Variants in SPIRE1 observed in about 807,000 individuals in gnomAD.
SPIRE1 encodes the protein spire type actin nucleation factor 1, also known as protein spire homolog 1.
Under a neutral mutation model 94.1 loss-of-function variants are expected in SPIRE1, and 40 were observed. The ratio of observed to expected loss-of-function variants is 0.43; its 90% CI spans 0.33 to 0.55. SPIRE1 has a LOEUF of 0.55. Among genes scored for constraint, SPIRE1 ranks in the 20% least tolerant of loss-of-function variants. The pLI, the probability that SPIRE1 is intolerant of heterozygous loss-of-function variation, is 0.06. For synonymous variants in SPIRE1, 376 were observed against 371.7 expected (o/e 1.01, Z -0.13); for missense variants, 838 against 975.2 (o/e 0.86, Z 1.87).
At position 12,446,822 on chromosome 18, in the gene SPIRE1, G is replaced by A. The variant is rs1392356406; in HGVS notation, c.*2816C>T. ...AAAAGGCTTAAAAATTTCATAGTAC[G>A]AGTTCATGGTGCTAATAACAGAATC... On this transcript the variant is annotated 3_prime_UTR_variant, in exon 17 of 17. Transcript: ENST00000409402. The A allele has an allele frequency of 6.6e-6, 1 of 152,148 alleles. No individual in the cohort carries two copies. The allele number at this position is 152,148 out of a possible 1,614,324, so 9.4% of individuals were successfully genotyped here.
chr18:12,615,053 G>A (rs1055118031), intron 2 of SPIRE1, among the ~76,000 whole-genome samples: 3 of 151,002 alleles, frequency 2.0e-5, no homozygotes, highest in East Asian at 4.0e-4. Flanking sequence ...GGCTCGGAGC[G>A]GTAGGTCATG....
chr18:12,552,161 C>G (rs1023922501), intron 2 of SPIRE1, among the ~76,000 whole-genome samples: 8 of 152,018 alleles, frequency 5.3e-5, no homozygotes, highest in Non-Finnish European at 1.2e-4. Flanking sequence ...CAAGCCTTAC[C>G]ACTGCGTGCT....
intron 5 of SPIRE1, among the ~76,000 whole-genome samples, chr18:12,511,066 C>A (rs2034020122): frequency 6.6e-6 from 1 of 152,150 alleles, no homozygotes; most frequent in African/African-American, 2.4e-5. Context: ...GGAGAGAGAG[C>A]TCATATTGTT....
chr18:12,525,145 C>T (rs1296696959), intron 4 of SPIRE1, among the ~76,000 whole-genome samples: 4 of 151,110 alleles, frequency 2.6e-5, no homozygotes, highest in Admixed American at 1.3e-4. Flanking sequence ...GGCGTGGTGG[C>T]GGGCGCCTAT....
intron 2 of SPIRE1, among the ~76,000 whole-genome samples, chr18:12,591,097 T>C (rs1227460908): frequency 6.6e-6 from 1 of 152,166 alleles, no homozygotes; most frequent in East Asian, 1.9e-4. Context: ...TAACATCAAA[T>C]GCAGAGGTGG....
intron 3 of SPIRE1, among the ~76,000 whole-genome samples, chr18:12,538,760 C>T (rs2034917288): frequency 6.6e-6 from 1 of 152,190 alleles, no homozygotes; most frequent in African/African-American, 2.4e-5. Context: ...AATGATCCTG[C>T]CTCAGCCTCC....
chr18:12,588,868 T>A (rs1025179725), intron 2 of SPIRE1, among the ~76,000 whole-genome samples: 1 of 152,190 alleles, frequency 6.6e-6, no homozygotes, highest in African/African-American at 2.4e-5. Context: ...TTAGATATAG[T>A]CAGAAGTTTT....
At chr18:12,561,516 T>C (rs1567935465) in intron 2 of SPIRE1, among the ~76,000 whole-genome samples, 1 of 152,210 alleles carries the variant, frequency 6.6e-6, no homozygotes, top group Non-Finnish European at 1.5e-5. Flanking sequence ...TCCGCCCGCC[T>C]TGGCCTCCCG....
chr18:12,602,824 T>C (rs1014674340), intron 2 of SPIRE1, among the ~76,000 whole-genome samples: 3 of 152,340 alleles, frequency 2.0e-5, no homozygotes, highest in East Asian at 3.9e-4. Context: ...ATTGGATCTA[T>C]AGCTCTAATA....
At chr18:12,562,124 G>A (rs1200732368) in intron 2 of SPIRE1, among the ~76,000 whole-genome samples, 1 of 152,140 alleles carries the variant, frequency 6.6e-6, no homozygotes, top group South Asian at 2.1e-4. Context: ...TTATTAGTAG[G>A]AGAGCAAGAG....
In SPIRE1 at chr18:12,559,927, G is replaced by A. The variant is rs1403532703; in HGVS notation, c.373-13023C>T. Among the ~76,000 whole-genome samples, 1 of 152,100 alleles carries A rather than the reference G, an allele frequency of 6.6e-6. No homozygotes were observed. Among genetic ancestry groups the A allele is most frequent in the Non-Finnish European group, 1.5e-5 (1 of 68,020 alleles). The stretch of plus-strand genomic sequence containing the variant: ...AAATCTAATAATCTGATTAAAAATG[G>A]GCAAAAGATCCGAATAGACATTTCT... On this transcript the variant is annotated intron_variant, in intron 2 of 16. Transcript: ENST00000409402. The surrounding 1 kb of genome is among the most constrained non-coding windows in gnomAD (Gnocchi z 4.7).
At chr18:12,596,853 G>T (rs928137420) in intron 2 of SPIRE1, among the ~76,000 whole-genome samples, 1 of 145,996 alleles carries the variant, frequency 6.8e-6, no homozygotes, top group Non-Finnish European at 1.5e-5. Context: ...GTAGATAGGA[G>T]AACTTAATAC....
chr18:12,464,558 G>T (rs1488801943), intron 11 of SPIRE1, among the ~76,000 whole-genome samples: 1 of 152,064 alleles, frequency 6.6e-6, no homozygotes, highest in African/African-American at 2.4e-5. Flanking sequence ...TGGGCTTCTG[G>T]TTTAAATTTA....
chr18:12,594,520 A>G (rs2036619824), intron 2 of SPIRE1, among the ~76,000 whole-genome samples: 1 of 152,240 alleles, frequency 6.6e-6, no homozygotes, highest in Non-Finnish European at 1.5e-5. Context: ...CTATGTCCAC[A>G]TGTGATATAA....
At chr18:12,574,301 A>C (rs111775800) in intron 2 of SPIRE1, among the ~76,000 whole-genome samples, 2,142 of 152,322 alleles carry the variant, frequency 0.014, 59 homozygotes, top group African/African-American at 0.049. Context: ...ACGGATTAAA[A>C]ATGGGCCAGA....
At chr18:12,490,580 A>T (rs1226418850) in intron 8 of SPIRE1, among the ~76,000 whole-genome samples, 1 of 152,180 alleles carries the variant, frequency 6.6e-6, no homozygotes, top group Non-Finnish European at 1.5e-5. Flanking sequence ...CAATAAAAGG[A>T]TCATACATCA....
In SPIRE1 at chr18:12,530,155, T is replaced by C. The variant is rs138872935; in HGVS notation, c.729+5321A>G. Among the ~76,000 whole-genome samples the C allele has an allele frequency of 2.4e-3, 372 of 152,284 alleles. 2 individuals carry two copies. Among genetic ancestry groups the C allele is most frequent in the African/African-American group, 7.8e-3 (323 of 41,558 alleles). On this transcript the variant is annotated intron_variant, in intron 4 of 16. Coordinates refer to ENST00000409402, the MANE Select transcript of SPIRE1 (RefSeq NM_001128626.2). ...TGTAAAATCTATCTCAAATTTAAGATATAAAATAAAATAGTATACAATAAT... is the reference window on the plus strand; with the variant it reads ...TGTAAAATCTATCTCAAATTTAAGACATAAAATAAAATAGTATACAATAAT...
chr18:12,503,214 C>G (rs1157942648), intron 6 of SPIRE1, among the ~76,000 whole-genome samples: 1 of 152,102 alleles, frequency 6.6e-6, no homozygotes, highest in East Asian at 1.9e-4. Context: ...ATACTGTTTG[C>G]TCACTGTCAC....
Position 12,464,873 on chromosome 18 carries a change from C to T in SPIRE1, c.1490G>A (p.Arg497Lys), listed in dbSNP as rs1286631999. 5.6e-6 allele frequency: 9 copies of T among 1,613,188 alleles called. No homozygotes were observed. The highest frequency in any genetic ancestry group is 7.6e-6 in the Non-Finnish European group (9 of 1,179,340). ...EEPVLEAVSTRKKPPKFLPIS... is the reference protein window; with the variant it reads ...EEPVLEAVSTKKKPPKFLPIS... ...TTAGCACCACAACTACTCACTCTTC[C>T]TTGTGGACACGGCCTCCAGGACTGG... Residue 497 changes from arginine (R) to lysine (K), a missense_variant, in exon 11 of 17, where the codon AGG (arginine) becomes AAG (lysine). Arg to Lys is a conservative substitution (Grantham distance 26, BLOSUM62 2). This residue lies in a region of SPIRE1 where 645 missense variants were observed against 804.7 expected (regional missense o/e 0.80). Transcript: ENST00000409402.
Sources: allele counts gnomAD v4.1 joint callset (sites outside exome capture counted in the v4.1 genomes callset), GRCh38; gene constraint gnomAD v4.1.1; regional missense constraint gnomAD v4.1.1; non-coding constraint Gnocchi (gnomAD v3.1); transcripts MANE v1.5; gene names NCBI Gene and HGNC (gene_info 2026-07-23, HGNC 2026-07-21).